Variants in ZC3H18 observed in about 807,000 individuals in gnomAD.
ZC3H18 encodes zinc finger CCCH-type containing 18, also known as zinc finger CCCH domain-containing protein 18.
A neutral mutation model predicts 106.1 loss-of-function variants in ZC3H18; 8 were observed. The observed-to-expected ratio is 0.08, with a 90% CI of 0.04 to 0.14. The LOEUF is 0.14. Ranked by LOEUF, ZC3H18 falls within the 10% of genes least tolerant of loss-of-function variation. ZC3H18 has a pLI of 1.00. For missense variants in ZC3H18, 1,318 were observed against 1,278.4 expected, an observed-to-expected ratio of 1.03 and a Z score of -0.47; for synonymous variants, 635 against 522.1, an observed-to-expected ratio of 1.22 and a Z score of -2.95.
intron 8 of ZC3H18, among the ~76,000 whole-genome samples, 186 bp from the exon 9 acceptor site, chr16:88,622,011 A>G (rs140864927): frequency 3.3e-5 from 5 of 152,198 alleles, no homozygotes; most frequent in Non-Finnish European, 7.3e-5. Context: ...GGCCATGGAC[A>G]TCACCCAAGT....
intron 7 of ZC3H18, chr16:88,609,386 C>G (rs1176620085): frequency 5.7e-6 from 1 of 175,190 alleles, no homozygotes; most frequent in African/African-American, 2.4e-5. Flanking sequence ...CAACCTCTAC[C>G]TCCTGGGTTC....
At chr16:88,629,000 A>T in intron 16 of ZC3H18, 146 bp downstream of exon 16, 1 of 735,596 alleles carries the variant, frequency 1.4e-6, no homozygotes, top group South Asian at 1.8e-5. Context: ...GTCGGTATTT[A>T]GGGTGTTGAA....
At chr16:88,580,628 G>C (rs1915067980) in intron 2 of ZC3H18, among the ~76,000 whole-genome samples, 2 of 152,126 alleles carry the variant, frequency 1.3e-5, no homozygotes, top group South Asian at 4.1e-4. Flanking sequence ...CACCTCCTGT[G>C]CCTGCCTCTT....
At chr16:88,590,167 G>A (rs893903570) in intron 3 of ZC3H18, among the ~76,000 whole-genome samples, 1 of 152,094 alleles carries the variant, frequency 6.6e-6, no homozygotes, top group Non-Finnish European at 1.5e-5. Flanking sequence ...TGCTCAGGCT[G>A]GTCTCAAATA....
At chr16:88,623,398 C>A in intron 10 of ZC3H18, 54 bp downstream of exon 10, 1 of 1,594,480 alleles carries the variant, frequency 6.3e-7, no homozygotes, top group Non-Finnish European at 8.5e-7. Flanking sequence ...AGCAAGGGCA[C>A]CTGCGGATGT....
chr16:88,607,330 C>T (rs1180059177), intron 6 of ZC3H18, among the ~76,000 whole-genome samples: 2 of 152,210 alleles, frequency 1.3e-5, no homozygotes, highest in African/African-American at 4.8e-5. Flanking sequence ...CGTGTCTTTT[C>T]ATTTCCAGGG....
chr16:88,617,699 C>T (rs1002483240), intron 8 of ZC3H18, among the ~76,000 whole-genome samples: 1 of 152,238 alleles, frequency 6.6e-6, no homozygotes, highest in Non-Finnish European at 1.5e-5. Context: ...GGGTGGACCC[C>T]TGAGACTGGA....
At chr16:88,587,784 C>A (rs528115085) in intron 3 of ZC3H18, among the ~76,000 whole-genome samples, 1 of 152,288 alleles carries the variant, frequency 6.6e-6, no homozygotes, top group East Asian at 1.9e-4. Context: ...GTGAGCCAGT[C>A]GAGCATCGGG....
intron 6 of ZC3H18, 32 bp from the exon 7 acceptor site, chr16:88,608,902 G>A: frequency 6.4e-7 from 1 of 1,567,070 alleles, no homozygotes; most frequent in African/African-American, 1.4e-5. Context: ...GCTCCTAAGT[G>A]ATGAGAGTTC....
chr16:88,621,223 G>GT (rs1366587910), intron 8 of ZC3H18, among the ~76,000 whole-genome samples: 14 of 141,818 alleles, frequency 9.9e-5, no homozygotes, highest in East Asian at 2.1e-4. Flanking sequence ...TTTTGTTTTT[G>GT]TTTTTATTTT....
chr16:88,615,450 C>T (rs774629722), intron 8 of ZC3H18, among the ~76,000 whole-genome samples: 7 of 152,198 alleles, frequency 4.6e-5, no homozygotes, highest in East Asian at 1.9e-4. Flanking sequence ...CCCAGAGTCC[C>T]GCACAGGTTG....
At chr16:88,619,843 G>A (rs1905852060) in intron 8 of ZC3H18, among the ~76,000 whole-genome samples, 1 of 152,174 alleles carries the variant, frequency 6.6e-6, no homozygotes, top group African/African-American at 2.4e-5. Context: ...TGACTTATTG[G>A]TGCTCCCTTT....
chr16:88,609,086 A>G (rs768061535), intron 7 of ZC3H18, 35 bp downstream of exon 7: 9 of 1,517,276 alleles, frequency 5.9e-6, no homozygotes, highest in Non-Finnish European at 8.2e-6. Context: ...TATGAACTTC[A>G]TGATCTGTTC....
chr16:88,608,965 T>C lies in ZC3H18; in HGVS notation c.1120T>C (p.Tyr374His), dbSNP rs146557346. ...GCCTTACGCAGACCCTTATTATGAC[T>C]ATGAAATTGAGCGGTTTTGGCGTGG... ...LEPYADPYYD[Y>H]EIERFWRGGQ... Residue 374 changes from tyrosine (Y) to histidine (H), a missense_variant, in exon 7 of 18, where the codon TAT becomes CAT. Tyr to His is a moderately conservative substitution (Grantham distance 83). Transcript: ENST00000301011. The C allele has an allele frequency of 1.1e-5, 17 of 1,613,800 alleles. No individual in the cohort carries two copies. The highest frequency in any genetic ancestry group is 1.3e-5 in the Non-Finnish European group (15 of 1,179,854).
intron 6 of ZC3H18, among the ~76,000 whole-genome samples, chr16:88,603,450 A>ACCCCG: frequency 6.6e-6 from 1 of 150,818 alleles, no homozygotes; most frequent in Admixed American, 6.6e-5. Context: ...GTGAAACCCC[A>ACCCCG]TCTCTACTAA....
chr16:88,624,388 G>A, intron 11 of ZC3H18: 2 of 767,166 alleles, frequency 2.6e-6, no homozygotes, highest in Non-Finnish European at 4.1e-6. Context: ...TTGCCTGTTA[G>A]AGGGGAGCCT....
chr16:88,624,465 T>G, intron 11 of ZC3H18, 137 bp from the exon 12 acceptor site: 1 of 1,357,212 alleles, frequency 7.4e-7, no homozygotes, highest in Non-Finnish European at 1.0e-6. Context: ...GGGAGCCGTG[T>G]CCAGGCACGA....
In ZC3H18 at chr16:88,624,667, C is replaced by T; in HGVS notation, c.1964C>T (p.Pro655Leu). Residue 655 changes from proline (P) to leucine (L), a missense_variant, in exon 12 of 18, where the codon CCT becomes CTT. By Grantham distance (98) the Pro-to-Leu change is moderately conservative. Around this residue, in one of 6 missense-constraint regions of ZC3H18, gnomAD observed 848 missense variants for 821.7 expected, o/e 1.03. Transcript: ENST00000301011. ...APPQATKTTA[P>L]VPEPTKPGDP... ...CCACAGGCCACCAAAACCACTGCTC[C>T]TGTCCCCGAGCCCACCAAGCCAGGA... 6.2e-7 allele frequency: 1 copy of T among 1,613,966 alleles called. No homozygotes were observed. The highest frequency in any genetic ancestry group is 2.2e-5 in the East Asian group (1 of 44,866).
At chr16:88,617,460 C>A in intron 8 of ZC3H18, among the ~76,000 whole-genome samples, 1 of 152,170 alleles carries the variant, frequency 6.6e-6, no homozygotes, top group East Asian at 1.9e-4. Flanking sequence ...TATGTGAAAC[C>A]TAATCTTTAT....
Sources: allele counts gnomAD v4.1 joint callset (sites outside exome capture counted in the v4.1 genomes callset), GRCh38; gene constraint gnomAD v4.1.1; regional missense constraint gnomAD v4.1.1; transcripts MANE v1.5; gene names NCBI Gene and HGNC (gene_info 2026-07-23, HGNC 2026-07-21).